HIF1AN: variants seen among roughly 807,000 people sequenced by gnomAD.
The protein encoded by HIF1AN is hypoxia-inducible factor 1-alpha inhibitor.
HIF1AN carries 21 observed loss-of-function variants against 47.7 expected under a neutral mutation model. The observed-to-expected ratio is 0.44, with a 90% CI of 0.31 to 0.63. The LOEUF is 0.63. Ranked by LOEUF, HIF1AN falls within the 30% of genes least tolerant of loss-of-function variation. HIF1AN has a pLI of 0.07. For synonymous variants in HIF1AN, 152 were observed against 155.9 expected, an observed-to-expected ratio of 0.98 and a Z score of 0.18; for missense variants, 320 against 432.7, an observed-to-expected ratio of 0.74 and a Z score of 2.31.
chr10:100,536,523 C>G lies in HIF1AN; in HGVS notation c.290C>G (p.Thr97Ser). 6.2e-7 allele frequency: 1 copy of G among 1,614,132 alleles called. No individual in the cohort carries two copies. Among genetic ancestry groups the G allele is most frequent in the Non-Finnish European group, 8.5e-7 (1 of 1,180,030 alleles). The change falls in exon 2 of 8, where the codon ACC becomes AGC. Residue 97 changes from threonine to serine, a missense_variant. By Grantham distance (58) the Thr-to-Ser change is moderately conservative. This residue lies in a region of HIF1AN where 159 missense variants were observed against 159.9 expected (regional missense o/e 0.99). Coordinates refer to ENST00000299163, the MANE Select transcript of HIF1AN (RefSeq NM_017902.3). ...NGDFSVYSAS[T>S]HKFLYYDEKK... Reference sequence around the variant, plus strand: ...GACTTCTCTGTGTACAGTGCCAGCACCCACAAGTTCTTGTACTATGATGAG... The same window carrying G: ...GACTTCTCTGTGTACAGTGCCAGCAGCCACAAGTTCTTGTACTATGATGAG...
rs377740102 is a variant in HIF1AN at position 100,546,514 on chromosome 10, G to A, written c.831-4G>A. The A allele has an allele frequency of 2.0e-6, 3 of 1,500,620 alleles. No individual in the cohort carries two copies. The African/African-American group carries it at 4.7e-5, about 23-fold the overall frequency. 93.0% of individuals were successfully genotyped at this position (1,500,620 alleles called of 1,614,324 possible). On this transcript the variant is annotated splice_polypyrimidine_tract_variant and splice_region_variant and intron_variant, in intron 5 of 7. Coordinates refer to ENST00000299163, the MANE Select transcript of HIF1AN (RefSeq NM_017902.3). ...TAAACAGGAGCCTGTTTGTTTTCTT[G>A]CAGGTGGCATCACATAGAGTCATTA...
chr10:100,551,130 G>C lies in HIF1AN; in HGVS notation c.*2993G>C, dbSNP rs1362141144. 2 of 152,200 alleles carry C rather than the reference G, an allele frequency of 1.3e-5. No individual in the cohort carries two copies. Among genetic ancestry groups the C allele is most frequent in the Non-Finnish European group, 2.9e-5 (2 of 68,038 alleles). 9.4% of individuals were successfully genotyped at this position (152,200 alleles called of 1,614,324 possible). ...ATATTTGTTGGGGGTTGGAGTTCTG[G>C]GGTTGGAGGAGGGGCTGTTCTGGGC... On this transcript the variant is annotated 3_prime_UTR_variant, in exon 8 of 8. Transcript: ENST00000299163.
At chr10:100,547,083 G>C in intron 6 of HIF1AN, 57 bp from the exon 7 acceptor site, 1 of 1,231,142 alleles carries the variant, frequency 8.1e-7, no homozygotes, top group East Asian at 2.4e-5. Context: ...AAGAACAGTA[G>C]AGTGACACTG....
At chr10:100,539,824 A>G (rs1308631139) in intron 2 of HIF1AN, among the ~76,000 whole-genome samples, 2 of 152,146 alleles carry the variant, frequency 1.3e-5, no homozygotes, top group African/African-American at 4.8e-5. Flanking sequence ...ACAGTAATAC[A>G]ATTTACCACA....
At chr10:100,541,415 A>G (rs957528872) in intron 3 of HIF1AN, among the ~76,000 whole-genome samples, 3 of 152,160 alleles carry the variant, frequency 2.0e-5, no homozygotes, top group African/African-American at 7.2e-5. Context: ...ATGAAAAGAA[A>G]TGAAACATGA....
rs1045378400 is a variant in HIF1AN at position 100,552,201 on chromosome 10, T to C, written c.*4064T>C. ...ATTTATACTAGTATTTCTTCCTCAG[T>C]TTTGTGACTTGAATGCAGTGAGTGC... On this transcript the variant is annotated 3_prime_UTR_variant, in exon 8 of 8. Transcript: ENST00000299163. 4 of 152,146 alleles carry C rather than the reference T, an allele frequency of 2.6e-5. No homozygotes were observed. The highest frequency in any genetic ancestry group is 9.7e-5 in the African/African-American group (4 of 41,404). The allele number at this position is 152,146 out of a possible 1,614,324, so 9.4% of individuals were successfully genotyped here. A position where few individuals can be genotyped will look rare whatever the true frequency, so the allele number is the denominator to read the frequency against.
intron 3 of HIF1AN, among the ~76,000 whole-genome samples, chr10:100,542,620 G>T (rs1843049425): frequency 6.6e-6 from 1 of 152,092 alleles, no homozygotes; most frequent in Non-Finnish European, 1.5e-5. Context: ...CTCCCAAAGT[G>T]CTGGGATTAC....
rs1457392100 is a variant in HIF1AN, at chr10:100,548,888, A to G, written c.*751A>G. 1 of 152,594 alleles carries G rather than the reference A, an allele frequency of 6.6e-6. No individual in the cohort carries two copies. The highest frequency in any genetic ancestry group is 1.9e-4 in the East Asian group (1 of 5,200). 9.5% of individuals were successfully genotyped at this position (152,594 alleles called of 1,614,324 possible). The stretch of plus-strand genomic sequence containing the variant: ...TAAGTTCTAAATTAGAGACACATAT[A>G]GTTTCTCTCTTTCAGCACCAGCTCT... On this transcript the variant is annotated 3_prime_UTR_variant, in exon 8 of 8. Transcript: ENST00000299163.
At position 100,549,527 on chromosome 10, in the gene HIF1AN, C is replaced by T. The variant is rs1160445258; in HGVS notation, c.*1390C>T. On this transcript the variant is annotated 3_prime_UTR_variant, in exon 8 of 8. Coordinates refer to ENST00000299163, the MANE Select transcript of HIF1AN (RefSeq NM_017902.3). ...TGGTGGAGCATGGAAGTCGAATTTC[C>T]TTTTCTGTTAGGAGCTACTCCTGGG... is the stretch of plus-strand genomic sequence containing the variant. The T allele has an allele frequency of 6.6e-6, 1 of 152,242 alleles. No homozygotes were observed. The highest frequency in any genetic ancestry group is 1.9e-4 in the East Asian group (1 of 5,200). The allele number at this position is 152,242 out of a possible 1,614,324, so 9.4% of individuals were successfully genotyped here.
chr10:100,545,147 C>CT, intron 4 of HIF1AN, 51 bp downstream of exon 4: 1 of 1,573,992 alleles, frequency 6.4e-7, no homozygotes, highest in East Asian at 2.3e-5. Context: ...TCTAGTAATG[C>CT]CTAGGCTGGA....
chr10:100,540,626 G>C lies in HIF1AN; in HGVS notation c.429-8G>C, dbSNP rs377608190. On this transcript the variant is annotated splice_region_variant and splice_polypyrimidine_tract_variant and intron_variant, in intron 2 of 7. Coordinates refer to ENST00000299163, the MANE Select transcript of HIF1AN (RefSeq NM_017902.3). ...GCACTAATAGGATTTTCTTCTTGGG[G>C]AACATAGGTTGTATCTGCAGCAAAC... is the stretch of plus-strand genomic sequence containing the variant. 24 of 1,613,382 alleles carry C rather than the reference G, an allele frequency of 1.5e-5. No individual in the cohort carries two copies. Among genetic ancestry groups the C allele is most frequent in the Middle Eastern group, 3.3e-4 (2 of 6,082 alleles).
In HIF1AN at chr10:100,557,185, A is replaced by T. The variant is rs978016157; in HGVS notation, c.*9048A>T. On this transcript the variant is annotated 3_prime_UTR_variant, in exon 8 of 8. Transcript: ENST00000299163. ...AGAAGAGTAAAGGAAATGGGGCAGG[A>T]GGATGTCTGTGGAGGACACAGTGTG... 3.9e-5 allele frequency: 6 copies of T among 152,282 alleles called. No homozygotes were observed. The highest frequency in any genetic ancestry group is 7.3e-5 in the Non-Finnish European group (5 of 68,134). 9.4% of individuals were successfully genotyped at this position (152,282 alleles called of 1,614,324 possible).
At position 100,535,951 on chromosome 10, in the gene HIF1AN, C is replaced by CGGCGGAGAT. The variant is rs1439276577; in HGVS notation, c.-2_7dup. ...CGGTTCCGGTGGGGGCCGTCCCTGGCGGCGGAGATGGCGGCGACAGCGGCG... is the reference window on the plus strand; with the variant it reads ...CGGTTCCGGTGGGGGCCGTCCCTGGCGGCGGAGATGGCGGAGATGGCGGCGACAGCGGCG... On this transcript the variant is annotated 5_prime_UTR_variant, in exon 1 of 8. It adds an upstream start codon to the 5' untranslated region. Transcript: ENST00000299163. 6 of 1,543,850 alleles carry CGGCGGAGAT rather than the reference C, an allele frequency of 3.9e-6. No homozygotes were observed. The Admixed American group carries it at 8.2e-5, about 21-fold the overall frequency.
Position 100,552,067 on chromosome 10 carries a change from CAGTAATAGGAT to C in HIF1AN, c.*3931_*3941del, listed in dbSNP as rs1179634432. On this transcript the variant is annotated 3_prime_UTR_variant, in exon 8 of 8. Coordinates refer to ENST00000299163, the MANE Select transcript of HIF1AN (RefSeq NM_017902.3). The stretch of plus-strand genomic sequence containing the variant: ...CAGATGTGTAAACAGTGCTGAGGTT[CAGTAATAGGAT>C]GAGTCTTCAGGTGTGGAGCAGCCCA... 3 of 152,264 alleles carry C rather than the reference CAGTAATAGGAT, an allele frequency of 2.0e-5. No individual in the cohort carries two copies. The highest frequency in any genetic ancestry group is 4.4e-5 in the Non-Finnish European group (3 of 68,074). The allele number at this position is 152,264 out of a possible 1,614,324, so 9.4% of individuals were successfully genotyped here. A position where few individuals can be genotyped will look rare whatever the true frequency, so the allele number is the denominator to read the frequency against.
chr10:100,542,941 G>T (rs908666018), intron 3 of HIF1AN, among the ~76,000 whole-genome samples: 2 of 135,906 alleles, frequency 1.5e-5, no homozygotes, highest in East Asian at 4.9e-4. Flanking sequence ...CAGGGTCATT[G>T]TCTCATTCTT....
rs1356488570 is a variant in HIF1AN, at chr10:100,548,134, C to T, written c.1047C>T (p.Asn349=). ...ACACAATGATCAAGGGCCGATACAA[C>T]TAGCCTGCCAGGGGTCAAGGCCTCC... The part of the protein sequence containing the change: ...LLNTMIKGRY[N] The change falls in exon 8 of 8, where the codon AAC becomes AAT. Residue 349 remains asparagine (N), a synonymous_variant. Transcript: ENST00000299163. 1 of 1,609,612 alleles carries T rather than the reference C, an allele frequency of 6.2e-7. No individual in the cohort carries two copies. Among genetic ancestry groups the T allele is most frequent in the East Asian group, 2.2e-5 (1 of 44,838 alleles).
At chr10:100,548,069 T>C (rs763201369) in intron 7 of HIF1AN, 24 bp from the exon 8 acceptor site, 17 of 1,613,054 alleles carry the variant, frequency 1.1e-5, no homozygotes, top group Admixed American at 5.0e-5. Flanking sequence ...CCAGTTCTGA[T>C]TGGCTCCTCA....
intron 4 of HIF1AN, 102 bp from the exon 5 acceptor site, chr10:100,545,841 T>TTTTG (rs1554844466): frequency 1.6e-5 from 12 of 758,408 alleles, no homozygotes; most frequent in African/African-American, 3.5e-5. Context: ...ATCGTTTTTT[T>TTTTG]TTTGTTTGTT....
chr10:100,545,075 C>T lies in HIF1AN; in HGVS notation c.702C>T (p.His234=). Residue 234 remains histidine (H), a synonymous_variant, in exon 4 of 8, where the codon CAC becomes CAT. Coordinates refer to ENST00000299163, the MANE Select transcript of HIF1AN (RefSeq NM_017902.3). ...FECLYPYPVH[H]PCDRQSQVDF... is the part of the protein sequence containing the mutation. The stretch of plus-strand genomic sequence containing the variant: ...GCCTCTACCCATACCCTGTTCATCA[C>T]CCATGTGACAGACAGAGCCAGGTGA... 6.2e-7 allele frequency: 1 copy of T among 1,614,156 alleles called. No homozygotes were observed. The highest frequency in any genetic ancestry group is 8.5e-7 in the Non-Finnish European group (1 of 1,180,012).
Sources: gnomAD v4.1 joint callset for allele counts (sites outside exome capture counted in the v4.1 genomes callset) on GRCh38, gnomAD v4.1.1 for gene constraint, gnomAD v4.1.1 regional missense constraint, MANE v1.5 for transcripts, NCBI Gene and HGNC (gene_info 2026-07-23, HGNC 2026-07-21) for gene names.